RANBP17: variants seen among roughly 807,000 people sequenced by gnomAD.
RANBP17 encodes RAN binding protein 17, also known as ran-binding protein 17.
Under a neutral mutation model 141.2 loss-of-function variants are expected in RANBP17, and 158 were observed. The ratio of observed to expected loss-of-function variants is 1.12; its 90% CI spans 0.98 to 1.28. RANBP17 has a LOEUF of 1.28. Among genes scored for constraint, RANBP17 ranks in the 50% most tolerant of loss-of-function variants. The pLI is 0.00. For synonymous variants in RANBP17, 430 were observed against 450.0 expected (o/e 0.96, Z 0.56); for missense variants, 1,438 against 1,290.7 (o/e 1.11, Z -1.75).
rs376342999 is a variant in RANBP17, at chr5:170,894,486, T to TATATA, written c.424-1564_424-1563insATATA. 7.5e-3 allele frequency among the ~76,000 whole-genome samples: 1,000 copies of TATATA among 133,260 alleles called. 73 individuals carry two copies. Among genetic ancestry groups the TATATA allele is most frequent in the African/African-American group, 0.027 (911 of 34,214 alleles). The allele number at this position is 133,260 out of a possible 152,430, so 87.4% of individuals were successfully genotyped here. ...CCATAGAATAGTTAGTACGTGTTTTTTATATATATATATATATATATGGCT... is the reference window on the plus strand; with the variant it reads ...CCATAGAATAGTTAGTACGTGTTTTTATATATATATATATATATATATATATGGCT... On this transcript the variant is annotated intron_variant, in intron 4 of 27. Coordinates refer to ENST00000523189, the MANE Select transcript of RANBP17 (RefSeq NM_022897.5).
chr5:171,021,397 T>A (rs755133583), intron 14 of RANBP17, among the ~76,000 whole-genome samples: 1 of 152,216 alleles, frequency 6.6e-6, no homozygotes, highest in African/African-American at 2.4e-5. Flanking sequence ...CTCTGTCACT[T>A]TCAGGTACAC....
intron 27 of RANBP17, 40 bp downstream of exon 27, chr5:171,296,054 C>A (rs1403715708): frequency 6.3e-7 from 1 of 1,595,426 alleles, no homozygotes; most frequent in Non-Finnish European, 8.6e-7. Context: ...GGGAAGTAGA[C>A]ATTCCAGGTT....
chr5:171,031,337 G>A (rs918943248), intron 14 of RANBP17, among the ~76,000 whole-genome samples: 1 of 151,888 alleles, frequency 6.6e-6, no homozygotes, highest in African/African-American at 2.4e-5. Flanking sequence ...ATAAGAAATC[G>A]ATGATTTCCA....
intron 14 of RANBP17, among the ~76,000 whole-genome samples, chr5:171,100,138 T>A (rs1457846149): frequency 6.6e-6 from 1 of 152,174 alleles, no homozygotes; most frequent in East Asian, 1.9e-4. Flanking sequence ...TAGGGAGCAG[T>A]CCCTCTTTTT....
intron 14 of RANBP17, among the ~76,000 whole-genome samples, chr5:171,050,937 G>T (rs1414344081): frequency 2.0e-5 from 3 of 152,124 alleles, no homozygotes; most frequent in African/African-American, 7.2e-5. Flanking sequence ...TAGAATTAGA[G>T]AATGTAATTC....
intron 16 of RANBP17, among the ~76,000 whole-genome samples, chr5:171,176,603 A>G (rs896538426): frequency 2.0e-5 from 3 of 152,184 alleles, no homozygotes; most frequent in African/African-American, 7.2e-5. Flanking sequence ...TTGTTTTATT[A>G]ATATAGTTTC....
intron 14 of RANBP17, among the ~76,000 whole-genome samples, chr5:171,090,548 T>G (rs1786171071): frequency 6.6e-6 from 1 of 152,038 alleles, no homozygotes; most frequent in Non-Finnish European, 1.5e-5. Context: ...GCTGCAGAAG[T>G]AAGGAGGAGC....
chr5:171,242,820 G>A lies in RANBP17; in HGVS notation c.2776G>A (p.Asp926Asn), dbSNP rs776631143. 3.7e-6 allele frequency: 6 copies of A among 1,612,878 alleles called. No homozygotes were observed. The highest frequency in any genetic ancestry group is 5.1e-6 in the Non-Finnish European group (6 of 1,179,426). Residue 926 changes from aspartate to asparagine, a missense_variant and splice_region_variant, in exon 24 of 28, where the codon GAT (aspartate) becomes AAT (asparagine). By Grantham distance (23) the Asp-to-Asn change is conservative. Transcript: ENST00000523189. ...TSISEGLTTL[D>N]TVVSSSCCTS... ...TATCTCAGAGGGACTCACTACTCTTGGTAAGGATCATAGAGGACATTGTTT... is the reference window on the plus strand; with the variant it reads ...TATCTCAGAGGGACTCACTACTCTTAGTAAGGATCATAGAGGACATTGTTT...
At chr5:171,240,342 G>A (rs1764787640) in intron 22 of RANBP17, among the ~76,000 whole-genome samples, 1 of 152,038 alleles carries the variant, frequency 6.6e-6, no homozygotes. Context: ...ATCATCTCTT[G>A]AGATCTTCTG....
chr5:171,268,490 G>A (rs1363555502), intron 25 of RANBP17, among the ~76,000 whole-genome samples: 1 of 152,058 alleles, frequency 6.6e-6, no homozygotes, highest in African/African-American at 2.4e-5. Context: ...AGCTTCACCT[G>A]GAATGGCTTT....
At chr5:170,980,778 G>A (rs1469989171) in intron 14 of RANBP17, among the ~76,000 whole-genome samples, 5 of 152,214 alleles carry the variant, frequency 3.3e-5, no homozygotes, top group African/African-American at 1.2e-4. Context: ...GAAGGGAAAT[G>A]TGGGGTTGGA....
intron 14 of RANBP17, among the ~76,000 whole-genome samples, chr5:171,144,990 T>A (rs1049744720): frequency 6.6e-6 from 1 of 152,244 alleles, no homozygotes; most frequent in African/African-American, 2.4e-5. Flanking sequence ...TATATTTCGC[T>A]TGGCTATTTT....
At chr5:171,093,494 C>G (rs914307238) in intron 14 of RANBP17, among the ~76,000 whole-genome samples, 8 of 152,056 alleles carry the variant, frequency 5.3e-5, no homozygotes, top group Non-Finnish European at 1.0e-4. Flanking sequence ...ATCAAGAACC[C>G]GTTGTATGTG....
At chr5:171,088,879 A>C (rs973977204) in intron 14 of RANBP17, among the ~76,000 whole-genome samples, 2 of 151,958 alleles carry the variant, frequency 1.3e-5, no homozygotes, top group African/African-American at 4.8e-5. Context: ...TTTTTTTCAA[A>C]GTTTTCAACT....
chr5:171,105,337 C>T (rs903019294), intron 14 of RANBP17, among the ~76,000 whole-genome samples: 1 of 143,048 alleles, frequency 7.0e-6, no homozygotes, highest in African/African-American at 2.6e-5. Flanking sequence ...AGCCGAGATC[C>T]CGCCACTGCA....
intron 22 of RANBP17, among the ~76,000 whole-genome samples, chr5:171,234,989 G>A (rs1764446876): frequency 6.6e-6 from 1 of 152,192 alleles, no homozygotes; most frequent in Non-Finnish European, 1.5e-5. Flanking sequence ...GGAAGACTTA[G>A]GTTTGAGCTC....
rs999497790 is a variant in RANBP17, at chr5:171,183,209, A to T, written c.1908A>T (p.Lys636Asn). 1 of 1,591,112 alleles carries T rather than the reference A, an allele frequency of 6.3e-7. No homozygotes were observed. The highest frequency in any genetic ancestry group is 1.3e-5 in the African/African-American group (1 of 74,566). ...LKKLVKIDAV[K>N]FMLKNHTSEH... ...AACTTGTGAAGATAGATGCTGTGAA[A>T]TTCATGCTAAAAAACCACACGGTAA... The change falls in exon 17 of 28, where the codon AAA (lysine) becomes AAT (asparagine). Residue 636 changes from lysine (K) to asparagine (N), a missense_variant. Physicochemically the swap from Lys to Asn is moderately conservative, Grantham distance 94. Coordinates refer to ENST00000523189, the MANE Select transcript of RANBP17 (RefSeq NM_022897.5).
chr5:170,927,499 A>C (rs1773020705), intron 12 of RANBP17, among the ~76,000 whole-genome samples: 1 of 152,052 alleles, frequency 6.6e-6, no homozygotes, highest in African/African-American at 2.4e-5. Context: ...AATTTACATA[A>C]GAGCCATTTG....
At chr5:171,044,647 G>A (rs928122276) in intron 14 of RANBP17, among the ~76,000 whole-genome samples, 3 of 152,022 alleles carry the variant, frequency 2.0e-5, no homozygotes, top group Non-Finnish European at 4.4e-5. Flanking sequence ...TATCTAAATT[G>A]TTGATAATAT....
Sources: allele counts gnomAD v4.1 joint callset (sites outside exome capture counted in the v4.1 genomes callset), GRCh38; gene constraint gnomAD v4.1.1; transcripts MANE v1.5; gene names NCBI Gene and HGNC (gene_info 2026-07-23, HGNC 2026-07-21).